Variants in DNASE1L1 observed in about 807,000 individuals in gnomAD.
The protein encoded by DNASE1L1 is deoxyribonuclease-1-like 1.
In DNASE1L1, 8 loss-of-function variants were observed where a neutral mutation model predicts 18.6. That is an observed-to-expected ratio of 0.43 (90% CI 0.25 to 0.78). DNASE1L1 has a LOEUF of 0.78. Among genes scored for constraint, DNASE1L1 ranks in the 30% least tolerant of loss-of-function variants. The pLI is 0.23. For missense variants in DNASE1L1, 214 were observed against 258.2 expected (o/e 0.83, Z 1.17); for synonymous variants, 114 against 114.2 (o/e 1.00, Z 0.01).
chrX:154,402,334 A>G lies in DNASE1L1; in HGVS notation c.*373T>C. 1 of 164,658 alleles carries G rather than the reference A, an allele frequency of 6.1e-6. No individual in the cohort carries two copies. The highest frequency in any genetic ancestry group is 1.6e-4 in the South Asian group (1 of 6,077). The allele number at this position is 164,658 out of a possible 1,213,427, so 13.6% of individuals were successfully genotyped here. A position where few individuals can be genotyped will look rare whatever the true frequency, so the allele number is the denominator to read the frequency against. ...CACAATAAACATGGCCCATTGGCAT[A>G]TCTGCTGCACAAGTGTCCTATCTCA... On this transcript the variant is annotated 3_prime_UTR_variant, in exon 8 of 8. Transcript: ENST00000369807.
Position 154,405,592 on chromosome X carries a change from A to G in DNASE1L1, c.-24T>C, listed in dbSNP as rs782779409. The stretch of plus-strand genomic sequence containing the variant: ...ATGGCTGTGTGTGGCTGCCGGGGAC[A>G]CCCCAGGAATCCAGGCTGCCCCAGG... On this transcript the variant is annotated 5_prime_UTR_variant, in exon 2 of 8. Transcript: ENST00000369807. 1 of 1,115,360 alleles carries G rather than the reference A, an allele frequency of 9.0e-7. No homozygotes were observed. Among genetic ancestry groups the G allele is most frequent in the East Asian group, 3.4e-5 (1 of 29,714 alleles). 91.9% of individuals were successfully genotyped at this position (1,115,360 alleles called of 1,213,427 possible). A position where few individuals can be genotyped will look rare whatever the true frequency, so the allele number is the denominator to read the frequency against.
Position 154,401,856 on chromosome X carries a change from T to G in DNASE1L1, c.*851A>C, listed in dbSNP as rs2148145915. ...GGGTGATGGTTCCAAACCATAAATGTGATTATAGTTAACACATGACCCTTC... is the reference window on the plus strand; with the variant it reads ...GGGTGATGGTTCCAAACCATAAATGGGATTATAGTTAACACATGACCCTTC... On this transcript the variant is annotated 3_prime_UTR_variant, in exon 8 of 8. Transcript: ENST00000369807. The G allele has an allele frequency of 8.9e-6, 1 of 112,098 alleles. No individual in the cohort carries two copies. Among genetic ancestry groups the G allele is most frequent in the Non-Finnish European group, 1.9e-5 (1 of 53,173 alleles). The allele number at this position is 112,098 out of a possible 1,213,427, so 9.2% of individuals were successfully genotyped here.
At chrX:154,403,495 A>T in intron 5 of DNASE1L1, 27 bp downstream of exon 5, 1 of 1,204,609 alleles carries the variant, frequency 8.3e-7, no homozygotes, top group Non-Finnish European at 1.1e-6. Flanking sequence ...CTGCTCCCAC[A>T]TACCAAGCCC....
At chrX:154,406,160 T>C (rs1346328856) in intron 1 of DNASE1L1, among the ~76,000 whole-genome samples, 13 of 107,671 alleles carry the variant, frequency 1.2e-4, no homozygotes, top group Non-Finnish European at 1.5e-4. Context: ...TTAGTAGAGA[T>C]GGGGTTTCAC....
intron 1 of DNASE1L1, chrX:154,408,867 G>C (rs1359734641): frequency 6.7e-6 from 1 of 148,422 alleles, no homozygotes; most frequent in Non-Finnish European, 1.3e-5. Context: ...CCTATTCTGG[G>C]ATATACATGG....
At chrX:154,404,718 T>C in intron 4 of DNASE1L1, 110 bp downstream of exon 4, 1 of 707,779 alleles carries the variant, frequency 1.4e-6, no homozygotes, top group Non-Finnish European at 2.1e-6. Context: ...GCAAAGCAGG[T>C]GAGGCTGTCC....
rs782263838 is a variant in DNASE1L1, at chrX:154,402,705, G to A, written c.*2C>T. On this transcript the variant is annotated 3_prime_UTR_variant, in exon 8 of 8. Coordinates refer to ENST00000369807, the MANE Select transcript of DNASE1L1 (RefSeq NM_001303620.2). ...GCAGGCCCTGGGGGGGTAGGGGGAC[G>A]CTCAGGCAGCAGGGCACAGCTGAGG... is the stretch of plus-strand genomic sequence containing the variant. 2.2e-5 allele frequency: 26 copies of A among 1,204,442 alleles called. No homozygotes were observed. Among genetic ancestry groups the A allele is most frequent in the South Asian group, 2.0e-4 (11 of 56,095 alleles).
In DNASE1L1 at chrX:154,404,917, G is replaced by A; in HGVS notation, c.225-3C>T. On this transcript the variant is annotated splice_region_variant and splice_polypyrimidine_tract_variant and intron_variant, in intron 3 of 7. Transcript: ENST00000369807. ...TGTAGGGCCCAGAGCCATCAAATCT[G>A]CCAAGAAAAGGGGAGGCGGGGTCAG... The A allele has an allele frequency of 8.3e-7, 1 of 1,210,527 alleles. No homozygotes were observed. The highest frequency in any genetic ancestry group is 1.8e-5 in the South Asian group (1 of 56,822).
intron 1 of DNASE1L1, 117 bp downstream of exon 1, chrX:154,408,994 AC>A: frequency 3.8e-6 from 1 of 264,958 alleles, no homozygotes; most frequent in South Asian, 3.7e-5. Context: ...TCAGCCCCAA[AC>A]CCTGGCTGTC....
chrX:154,409,015 CT>C (rs782001928), intron 1 of DNASE1L1, 96 bp downstream of exon 1: 9 of 289,551 alleles, frequency 3.1e-5, no homozygotes, highest in South Asian at 2.9e-4. Context: ...CAATATCAGC[CT>C]TGGTGGGAGC....
At chrX:154,403,891 C>T (rs2068096761) in intron 4 of DNASE1L1, among the ~76,000 whole-genome samples, 1 of 112,016 alleles carries the variant, frequency 8.9e-6, no homozygotes, top group Non-Finnish European at 1.9e-5. Flanking sequence ...ATCCATTACT[C>T]CTAATAAAAA....
chrX:154,406,339 G>C (rs2148161718), intron 1 of DNASE1L1, among the ~76,000 whole-genome samples: 1 of 100,950 alleles, frequency 9.9e-6, no homozygotes, highest in Non-Finnish European at 2.0e-5. Flanking sequence ...ACCACATTTT[G>C]TTCATTCATT....
chrX:154,407,765 C>CT (rs1173569962), intron 1 of DNASE1L1, among the ~76,000 whole-genome samples: 1 of 86,447 alleles, frequency 1.2e-5, no homozygotes, highest in East Asian at 3.8e-4. Context: ...CCGGCCCCCC[C>CT]CCTTTTTTTT....
chrX:154,405,192 A>G (rs28602900), intron 2 of DNASE1L1, 109 bp from the exon 3 acceptor site: 137,713 of 854,022 alleles, frequency 0.16, 14,134 homozygotes, highest in African/African-American at 0.7. Flanking sequence ...AGGCTCACTG[A>G]CTGCAGCCCA....
chrX:154,411,739 G>T, upstream of DNASE1L1: 2 of 779,178 alleles, frequency 2.6e-6, no homozygotes, highest in Non-Finnish European at 3.8e-6. Context: ...GTCCGTGCGC[G>T]GGCCAGTCAG....
In DNASE1L1 at chrX:154,402,444, C is replaced by A; in HGVS notation, c.*263G>T. ...CTTTCTGAACCCTCCCTTCCCCTACCCCAACCCAGAGCCCACTTTGTCTCC... is the reference window on the plus strand; with the variant it reads ...CTTTCTGAACCCTCCCTTCCCCTACACCAACCCAGAGCCCACTTTGTCTCC... On this transcript the variant is annotated 3_prime_UTR_variant, in exon 8 of 8. Transcript: ENST00000369807. The A allele has an allele frequency of 3.2e-6, 1 of 316,457 alleles. No homozygotes were observed. Among genetic ancestry groups the A allele is most frequent in the Non-Finnish European group, 5.6e-6 (1 of 179,208 alleles). The allele number at this position is 316,457 out of a possible 1,213,427, so 26.1% of individuals were successfully genotyped here. A position where few individuals can be genotyped will look rare whatever the true frequency, so the allele number is the denominator to read the frequency against.
At position 154,402,691 on chromosome X, in the gene DNASE1L1, G is replaced by T; in HGVS notation, c.*16C>A. On this transcript the variant is annotated 3_prime_UTR_variant, in exon 8 of 8. Coordinates refer to ENST00000369807, the MANE Select transcript of DNASE1L1 (RefSeq NM_001303620.2). ...AGTCCCAAAAGGCAGCAGGCCCTGG[G>T]GGGGTAGGGGGACGCTCAGGCAGCA... is the stretch of plus-strand genomic sequence containing the variant. 1 of 1,199,925 alleles carries T rather than the reference G, an allele frequency of 8.3e-7. No individual in the cohort carries two copies. Among genetic ancestry groups the T allele is most frequent in the South Asian group, 1.8e-5 (1 of 55,445 alleles).
At chrX:154,406,427 T>C (rs1219297604) in intron 1 of DNASE1L1, among the ~76,000 whole-genome samples, 1 of 98,594 alleles carries the variant, frequency 1.0e-5, no homozygotes, top group Non-Finnish European at 2.0e-5. Context: ...TGGAGTGCAA[T>C]GGTGCGATCT....
At chrX:154,404,234 C>T (rs2068106543) in intron 4 of DNASE1L1, among the ~76,000 whole-genome samples, 1 of 104,597 alleles carries the variant, frequency 9.6e-6, no homozygotes. Flanking sequence ...CTCACTGCAG[C>T]CTTGAACTCT....
Sources: allele counts gnomAD v4.1 joint callset (sites outside exome capture counted in the v4.1 genomes callset), GRCh38; gene constraint gnomAD v4.1.1; transcripts MANE v1.5; gene names NCBI Gene and HGNC (gene_info 2026-07-23, HGNC 2026-07-21).